The following FCRL4 variants were observed in gnomAD, a reference collection of about 807,000 sequenced individuals.
FCRL4 encodes Fc receptor like 4.
In FCRL4, 43 loss-of-function variants were observed where a neutral mutation model predicts 64.1. The ratio of observed to expected loss-of-function variants is 0.67; its 90% CI spans 0.53 to 0.87. FCRL4 has a LOEUF of 0.87. Among genes scored for constraint, FCRL4 ranks in the 40% least tolerant of loss-of-function variants. FCRL4 has a pLI of 0.00. For synonymous variants in FCRL4, 253 were observed against 239.8 expected, an observed-to-expected ratio of 1.05 and a Z score of -0.51; for missense variants, 656 against 613.5, an observed-to-expected ratio of 1.07 and a Z score of -0.73.
chr1:157,587,321 C>A lies in FCRL4; in HGVS notation c.802G>T (p.Gly268Cys), dbSNP rs140562927. The A allele has an allele frequency of 4.4e-4, 704 of 1,614,188 alleles. 3 individuals carry two copies. The African/African-American group carries it at 8.6e-3, about 20-fold the overall frequency. The change falls in exon 5 of 12, where the codon GGT (glycine) becomes TGT (cysteine). Residue 268 changes from glycine (G) to cysteine (C), a missense_variant. Gly to Cys is a radical substitution (Grantham distance 159). Transcript: ENST00000271532. ...SYWCGAETVR[G>C]NIHKHSPSLQ... The stretch of plus-strand genomic sequence containing the variant: ...GAGGGACTGTGCTTGTGGATGTTAC[C>A]CCTCACTGTTTCAGCACCACACCAA...
At chr1:157,580,066 A>C (rs1017206319) in intron 8 of FCRL4, among the ~76,000 whole-genome samples, 6 of 152,234 alleles carry the variant, frequency 3.9e-5, no homozygotes, top group Non-Finnish European at 8.8e-5. Context: ...GTACTTTATA[A>C]CCTTTGGTAT....
At chr1:157,576,030 G>A (rs1652404395) in intron 10 of FCRL4, among the ~76,000 whole-genome samples, 1 of 152,044 alleles carries the variant, frequency 6.6e-6, no homozygotes, top group Non-Finnish European at 1.5e-5. Flanking sequence ...CTTAGTTTTA[G>A]TTCTTGCTTC....
At chr1:157,586,484 G>C (rs529595190) in intron 5 of FCRL4, 29 bp from the exon 6 acceptor site, 1 of 1,580,082 alleles carries the variant, frequency 6.3e-7, no homozygotes, top group Admixed American at 1.7e-5. Flanking sequence ...ACAGGTGGGG[G>C]TCGGGTGTGA....
chr1:157,588,291 C>T (rs1057300706), intron 3 of FCRL4, among the ~76,000 whole-genome samples, 172 bp from the exon 4 acceptor site: 1 of 152,172 alleles, frequency 6.6e-6, no homozygotes, highest in Non-Finnish European at 1.5e-5. Context: ...GGTACAATTC[C>T]TAAATAAATC....
intron 2 of FCRL4, 68 bp downstream of exon 2, chr1:157,596,260 T>A: frequency 1.3e-6 from 2 of 1,512,646 alleles, no homozygotes; most frequent in Non-Finnish European, 1.8e-6. Flanking sequence ...CTCTTGTAAG[T>A]ATTTGAGATA....
chr1:157,578,667 AT>A (rs1652473898), intron 9 of FCRL4, 102 bp downstream of exon 9: 6 of 1,413,252 alleles, frequency 4.2e-6, no homozygotes, highest in Non-Finnish European at 6.0e-6. Flanking sequence ...GAATATCTGG[AT>A]TTGGGACACT....
chr1:157,597,002 G>A (rs1402145666), intron 1 of FCRL4, among the ~76,000 whole-genome samples: 1 of 152,196 alleles, frequency 6.6e-6, no homozygotes, highest in Non-Finnish European at 1.5e-5. Context: ...GATGTAGCCA[G>A]GGCTTAGCAC....
chr1:157,596,367 C>T lies in FCRL4; in HGVS notation c.32-19G>A. 5 of 1,613,790 alleles carry T rather than the reference C, an allele frequency of 3.1e-6. 1 individual carries two copies. Among genetic ancestry groups the T allele is most frequent in the South Asian group, 2.2e-5 (2 of 91,042 alleles). On this transcript the variant is annotated intron_variant, in intron 1 of 11. Transcript: ENST00000271532. ...ACTGGAGCTGAAAGAGAGTAAAGAG[C>T]CAGCCATCAGCGTAGGCGAAGAGTC... is the stretch of plus-strand genomic sequence containing the variant.
At chr1:157,589,674 G>A (rs913939249) in intron 2 of FCRL4, among the ~76,000 whole-genome samples, 1 of 152,206 alleles carries the variant, frequency 6.6e-6, no homozygotes, top group African/African-American at 2.4e-5. Flanking sequence ...TTTCAGAGGG[G>A]GGGCAGCCCT....
intron 6 of FCRL4, among the ~76,000 whole-genome samples, chr1:157,581,937 C>T (rs190834661): frequency 1.3e-5 from 2 of 152,266 alleles, no homozygotes; most frequent in Admixed American, 1.3e-4. Context: ...CTGCAAATTG[C>T]CCCCAGACAC....
At chr1:157,589,143 A>T (rs1040620123) in intron 3 of FCRL4, 61 bp downstream of exon 3, 3 of 1,560,202 alleles carry the variant, frequency 1.9e-6, no homozygotes, top group Non-Finnish European at 2.6e-6. Flanking sequence ...TGGAATCTCC[A>T]GGGAGCTAAG....
At position 157,578,553 on chromosome 1, in the gene FCRL4, A is replaced by T; in HGVS notation, c.1361-11T>A. On this transcript the variant is annotated splice_polypyrimidine_tract_variant and intron_variant, in intron 9 of 11. Coordinates refer to ENST00000271532, the MANE Select transcript of FCRL4 (RefSeq NM_031282.3). ...CCTTTTTGGGGTGTACTGGAAAGAA[A>T]AGACATTTTCAAGGCTGTTCCTGTT... The T allele has an allele frequency of 6.2e-7, 1 of 1,612,206 alleles. No homozygotes were observed.
rs1156339030 is a variant in FCRL4 at position 157,586,320 on chromosome 1, A to G, written c.983T>C (p.Met328Thr). Reference protein sequence around the residue: ...DTTFSWHREDMQESLGRKTQR... With the variant: ...DTTFSWHREDTQESLGRKTQR... ...AGTTTTCCTCCCCAGACTCTCCTGC[A>G]TGTCCTCTCGGTGCCAGGAGAATGT... The change falls in exon 6 of 12, where the codon ATG becomes ACG. Residue 328 changes from methionine (M) to threonine (T), a missense_variant. By Grantham distance (81) the Met-to-Thr change is moderately conservative. Transcript: ENST00000271532. 6.2e-7 allele frequency: 1 copy of G among 1,613,404 alleles called. No individual in the cohort carries two copies. The highest frequency in any genetic ancestry group is 1.7e-5 in the Admixed American group (1 of 59,964).
At position 157,575,598 on chromosome 1, in the gene FCRL4, C is replaced by T; in HGVS notation, c.1474G>A (p.Val492Ile). The change falls in exon 12 of 12, where the codon GTC (valine) becomes ATC (isoleucine). Residue 492 changes from valine (V) to isoleucine (I), a missense_variant. By Grantham distance (29) the Val-to-Ile change is conservative. Transcript: ENST00000271532. ...TLLEDKDVSV[V>I]YSEVKTQHPD... is the part of the protein sequence containing the mutation. ...TGTTGTGTCTTTACCTCAGAGTAGACAACTGAGACATCCTGAAATGGAAGA... is the reference window on the plus strand; with the variant it reads ...TGTTGTGTCTTTACCTCAGAGTAGATAACTGAGACATCCTGAAATGGAAGA... 4 of 1,613,502 alleles carry T rather than the reference C, an allele frequency of 2.5e-6. No individual in the cohort carries two copies. In the South Asian group the frequency reaches 3.3e-5, roughly 13 times the overall value.
chr1:157,588,602 C>A (rs1352714097), intron 3 of FCRL4, among the ~76,000 whole-genome samples: 1 of 152,178 alleles, frequency 6.6e-6, no homozygotes, highest in African/African-American at 2.4e-5. Flanking sequence ...CCATGCTGTT[C>A]ATATTCTAAT....
At chr1:157,585,408 T>TTC (rs1652668086) in intron 6 of FCRL4, among the ~76,000 whole-genome samples, 1 of 144,904 alleles carries the variant, frequency 6.9e-6, no homozygotes, top group African/African-American at 2.6e-5. Flanking sequence ...CTTTCTTTCT[T>TTC]TCTTTCTTTC....
At chr1:157,594,234 A>T (rs965642164) in intron 2 of FCRL4, among the ~76,000 whole-genome samples, 1 of 152,238 alleles carries the variant, frequency 6.6e-6, no homozygotes. Flanking sequence ...TCCCACCTAC[A>T]TGATCCAGGT....
chr1:157,580,273 T>A (rs768453752), intron 8 of FCRL4, 48 bp downstream of exon 8: 1 of 1,607,590 alleles, frequency 6.2e-7, no homozygotes, highest in Admixed American at 1.7e-5. Flanking sequence ...GTTTTGCATA[T>A]TGTGTACTCG....
intron 10 of FCRL4, 109 bp from the exon 11 acceptor site, chr1:157,575,839 A>T (rs1652395375): frequency 2.1e-6 from 2 of 963,402 alleles, no homozygotes; most frequent in Admixed American, 1.7e-5. Context: ...TGTCCACCTC[A>T]TCCCCTCCAC....
Sources: gnomAD v4.1 joint callset for allele counts (sites outside exome capture counted in the v4.1 genomes callset) on GRCh38, gnomAD v4.1.1 for gene constraint, MANE v1.5 for transcripts, NCBI Gene and HGNC (gene_info 2026-07-23, HGNC 2026-07-21) for gene names.